TMEM132A: variants seen among roughly 807,000 people sequenced by gnomAD.
TMEM132A encodes transmembrane protein 132A.
A neutral mutation model predicts 69.9 loss-of-function variants in TMEM132A; 48 were observed. The ratio of observed to expected loss-of-function variants is 0.69; its 90% CI spans 0.55 to 0.87. The LOEUF (loss-of-function observed/expected upper bound fraction) is 0.87, where lower values mean the gene tolerates loss of function less well. Ranked by LOEUF, TMEM132A falls within the 40% of genes least tolerant of loss-of-function variation. The pLI is 0.00. For missense variants in TMEM132A, 1,287 were observed against 1,407.2 expected (o/e 0.91, Z 1.37); for synonymous variants, 577 against 613.7 (o/e 0.94, Z 0.88).
intron 5 of TMEM132A, 69 bp from the exon 6 acceptor site, chr11:60,931,620 G>A: frequency 6.9e-7 from 1 of 1,458,006 alleles, no homozygotes; most frequent in Non-Finnish European, 9.4e-7. Flanking sequence ...AATCATGAAT[G>A]CAGGAAGTGC....
chr11:60,936,344 G>A lies in TMEM132A; in HGVS notation c.2509G>A (p.Val837Ile). 1.2e-6 allele frequency: 2 copies of A among 1,614,182 alleles called. No individual in the cohort carries two copies. Among genetic ancestry groups the A allele is most frequent in the Non-Finnish European group, 1.7e-6 (2 of 1,180,010 alleles). ...EEEEEEEEEMVPAPQHVTELE... is the reference protein window; with the variant it reads ...EEEEEEEEEMIPAPQHVTELE... ...GGAGGAGGAAGAGGAGGAGGAGATG[G>A]TCCCTGCCCCTCAGCATGTCACTGA... Residue 837 changes from valine to isoleucine, a missense_variant, in exon 11 of 11, where the codon GTC becomes ATC. Coordinates refer to ENST00000453848, the MANE Select transcript of TMEM132A (RefSeq NM_178031.3).
chr11:60,933,159 T>A (rs1856516354), intron 7 of TMEM132A: 2 of 180,518 alleles, frequency 1.1e-5, no homozygotes, highest in Non-Finnish European at 2.2e-5. Context: ...AGGGCTGCTC[T>A]CTTCTGGCCC....
Position 60,934,482 on chromosome 11 carries a change from C to T in TMEM132A, c.1560-6C>T, listed in dbSNP as rs544803976. ...GACGGCCAGTCCCGGCCTCCCCGCCCTGCAGGCCTGCGGAACCCGCTGCAG... is the reference window on the plus strand; with the variant it reads ...GACGGCCAGTCCCGGCCTCCCCGCCTTGCAGGCCTGCGGAACCCGCTGCAG... On this transcript the variant is annotated splice_region_variant and splice_polypyrimidine_tract_variant and intron_variant, in intron 8 of 10. Coordinates refer to ENST00000453848, the MANE Select transcript of TMEM132A (RefSeq NM_178031.3). 5.9e-4 allele frequency: 818 copies of T among 1,379,432 alleles called. 3 individuals are homozygous for T. In the African/African-American group the frequency reaches 0.012, roughly 19 times the overall value. 85.4% of individuals were successfully genotyped at this position (1,379,432 alleles called of 1,614,324 possible). A position where few individuals can be genotyped will look rare whatever the true frequency, so the allele number is the denominator to read the frequency against.
At chr11:60,926,496 A>G (rs1192828822) in intron 1 of TMEM132A, 1 of 152,458 alleles carries the variant, frequency 6.6e-6, no homozygotes, top group Admixed American at 6.5e-5. Context: ...TATTATTATT[A>G]GTGCTCATAG....
intron 1 of TMEM132A, chr11:60,926,545 T>G (rs2134891474): frequency 6.5e-6 from 1 of 154,902 alleles, no homozygotes; most frequent in South Asian, 2.0e-4. Flanking sequence ...CCTTTGTCCT[T>G]CTGATGATTG....
rs1360584471 is a variant in TMEM132A, at chr11:60,935,564, G to A, written c.2028+121G>A. ...CCTTAGGGTTTTCAGAGTGAGGACT[G>A]ACTCTGTGAGGTAGTGAGCTCTCTG... On this transcript the variant is annotated intron_variant, in intron 10 of 10. Transcript: ENST00000453848. The surrounding 1 kb of genome is among the most constrained non-coding windows in gnomAD (Gnocchi z 5.0). The A allele has an allele frequency of 1.9e-6, 2 of 1,059,438 alleles. No homozygotes were observed. Among genetic ancestry groups the A allele is most frequent in the South Asian group, 1.6e-5 (1 of 63,016 alleles). The allele number at this position is 1,059,438 out of a possible 1,614,324, so 65.6% of individuals were successfully genotyped here. A position where few individuals can be genotyped will look rare whatever the true frequency, so the allele number is the denominator to read the frequency against.
rs1308182711 is a variant in TMEM132A, at chr11:60,936,176, G to A, written c.2341G>A (p.Ala781Thr). 3 of 1,613,988 alleles carry A rather than the reference G, an allele frequency of 1.9e-6. No individual in the cohort carries two copies. Among genetic ancestry groups the A allele is most frequent in the Non-Finnish European group, 2.5e-6 (3 of 1,179,908 alleles). Residue 781 changes from alanine (A) to threonine (T), a missense_variant, in exon 11 of 11, where the codon GCT becomes ACT. Transcript: ENST00000453848. ...AGCCCCTGCTCTCCCATCCAGCCCT[G>A]CTTGGAGCCCACCAGCCACAGAAGC... is the stretch of plus-strand genomic sequence containing the variant. ...TPAPALPSSPAWSPPATEATM... is the reference protein window; with the variant it reads ...TPAPALPSSPTWSPPATEATM...
In TMEM132A at chr11:60,935,377, C is replaced by T; in HGVS notation, c.1962C>T (p.Gly654=). The change falls in exon 10 of 11, where the codon GGC becomes GGT. Residue 654 remains glycine, a synonymous_variant. Transcript: ENST00000453848. This position sits in a 1 kb window ranked among gnomAD's most constrained non-coding sequence, Gnocchi z 5.0. ...GCATCTCGCTGACCTTGAGCCGGGG[C>T]ACTGCCCACCCCGGGGAGGTCACAG... The part of the protein sequence containing the change: ...VMGISLTLSR[G]TAHPGEVTAT... 3 of 1,612,594 alleles carry T rather than the reference C, an allele frequency of 1.9e-6. No homozygotes were observed. Among genetic ancestry groups the T allele is most frequent in the Non-Finnish European group, 2.5e-6 (3 of 1,179,576 alleles).
At chr11:60,927,507 G>A (rs1021759206) in intron 2 of TMEM132A, 89 bp downstream of exon 2, 133 of 1,441,340 alleles carry the variant, frequency 9.2e-5, no homozygotes, top group Non-Finnish European at 1.2e-4. Flanking sequence ...CCCCAGCCCC[G>A]GCTGTGCTCC....
chr11:60,935,575 G>T lies in TMEM132A; in HGVS notation c.2028+132G>T. 1 of 998,694 alleles carries T rather than the reference G, an allele frequency of 1.0e-6. No homozygotes were observed. Among genetic ancestry groups the T allele is most frequent in the Admixed American group, 2.6e-5 (1 of 38,758 alleles). 61.9% of individuals were successfully genotyped at this position (998,694 alleles called of 1,614,324 possible). On this transcript the variant is annotated intron_variant, in intron 10 of 10. Coordinates refer to ENST00000453848, the MANE Select transcript of TMEM132A (RefSeq NM_178031.3). This position sits in a 1 kb window ranked among gnomAD's most constrained non-coding sequence, Gnocchi z 5.0. ...TCAGAGTGAGGACTGACTCTGTGAG[G>T]TAGTGAGCTCTCTGCAGCTGGAGGT... is the stretch of plus-strand genomic sequence containing the variant.
chr11:60,935,336 G>T lies in TMEM132A; in HGVS notation c.1921G>T (p.Val641Leu), dbSNP rs370877938. Residue 641 changes from valine to leucine, a missense_variant, in exon 10 of 11, where the codon GTG (valine) becomes TTG (leucine). By Grantham distance (32) the Val-to-Leu change is conservative (BLOSUM62 1). Coordinates refer to ENST00000453848, the MANE Select transcript of TMEM132A (RefSeq NM_178031.3). This position sits in a 1 kb window ranked among gnomAD's most constrained non-coding sequence, Gnocchi z 5.0. The stretch of plus-strand genomic sequence containing the variant: ...CAAGGTCTCAGTGCTGGAGCTGAGG[G>T]TGCAGCCAGTGATGGGCATCTCGCT... The part of the protein sequence containing the change: ...DDKVSVLELR[V>L]QPVMGISLTL... The T allele has an allele frequency of 3.5e-5, 56 of 1,613,042 alleles. No homozygotes were observed. The highest frequency in any genetic ancestry group is 4.7e-5 in the Non-Finnish European group (56 of 1,179,720).
chr11:60,928,669 C>G lies in TMEM132A; in HGVS notation c.575C>G (p.Ser192Trp), dbSNP rs767752211. The change falls in exon 4 of 11, where the codon TCG becomes TGG. Residue 192 changes from serine (S) to tryptophan (W), a missense_variant. Ser to Trp is a radical substitution (Grantham distance 177). Coordinates refer to ENST00000453848, the MANE Select transcript of TMEM132A (RefSeq NM_178031.3). The stretch of plus-strand genomic sequence containing the variant: ...TGCGTGGTGGAGCTGGAGCTTCCCT[C>G]GCACTGGTTCTCACAGGCCTCCACC... ...GACVVELELP[S>W]HWFSQASTTR... 1 of 1,610,650 alleles carries G rather than the reference C, an allele frequency of 6.2e-7. No individual in the cohort carries two copies.
Position 60,928,857 on chromosome 11 carries a change from G to T in TMEM132A, c.763G>T (p.Ala255Ser), listed in dbSNP as rs1856411431. 1 of 1,612,612 alleles carries T rather than the reference G, an allele frequency of 6.2e-7. No individual in the cohort carries two copies. Among genetic ancestry groups the T allele is most frequent in the South Asian group, 1.1e-5 (1 of 91,088 alleles). The part of the protein sequence containing the change: ...PQYQEVPLDE[A>S]VTLRVPDMPV... ...GTACCAGGAGGTACCTCTGGACGAG[G>T]CTGTGACTCTGCGGGTGCCTGACAT... The change falls in exon 4 of 11, where the codon GCT becomes TCT. Residue 255 changes from alanine (A) to serine (S), a missense_variant. Transcript: ENST00000453848.
In TMEM132A at chr11:60,933,689, A is replaced by G. The variant is rs1451014381; in HGVS notation, c.1504A>G (p.Thr502Ala). The change falls in exon 8 of 11, where the codon ACC (threonine) becomes GCC (alanine). Residue 502 changes from threonine (T) to alanine (A), a missense_variant. Transcript: ENST00000453848. ...CCTGCTACCGCTGCGTATCGAGCTC[A>G]CCGACACCACCCTCGAGCAGGTCCG... ...APLLPLRIEL[T>A]DTTLEQVRGW... 1.2e-6 allele frequency: 2 copies of G among 1,603,258 alleles called. No homozygotes were observed. The highest frequency in any genetic ancestry group is 2.7e-5 in the African/African-American group (2 of 74,740).
chr11:60,936,741 C>G lies in TMEM132A; in HGVS notation c.2906C>G (p.Ala969Gly). ...RRKRVEFVTF[A>G]PAPPAQSPEE... ...AAGCGAGTAGAGTTTGTGACATTTG[C>G]GCCAGCCCCTCCAGCCCAGTCACCT... The change falls in exon 11 of 11, where the codon GCG (alanine) becomes GGG (glycine). Residue 969 changes from alanine to glycine, a missense_variant. Transcript: ENST00000453848. 1 of 1,600,208 alleles carries G rather than the reference C, an allele frequency of 6.2e-7. No homozygotes were observed. The highest frequency in any genetic ancestry group is 1.8e-5 in the Admixed American group (1 of 56,918).
In TMEM132A at chr11:60,937,023, G is replaced by A; in HGVS notation, c.*116G>A. The A allele has an allele frequency of 3.1e-6, 4 of 1,277,234 alleles. No homozygotes were observed. The highest frequency in any genetic ancestry group is 4.2e-6 in the Non-Finnish European group (4 of 952,040). The allele number at this position is 1,277,234 out of a possible 1,614,324, so 79.1% of individuals were successfully genotyped here. A position where few individuals can be genotyped will look rare whatever the true frequency, so the allele number is the denominator to read the frequency against. ...GCTTGTTGATCCAAGTCCCCTGCCT[G>A]GTCCCCCACAAGGACTCCCATCCAG... On this transcript the variant is annotated 3_prime_UTR_variant, in exon 11 of 11. Coordinates refer to ENST00000453848, the MANE Select transcript of TMEM132A (RefSeq NM_178031.3).
chr11:60,930,406 G>A (rs1383046011), intron 4 of TMEM132A, 104 bp from the exon 5 acceptor site: 33 of 1,355,220 alleles, frequency 2.4e-5, no homozygotes, highest in Non-Finnish European at 3.2e-5. Context: ...ATTCAGACTG[G>A]AGCCAGGGAG....
At position 60,924,656 on chromosome 11, in the gene TMEM132A, G is replaced by T. The variant is rs758350170; in HGVS notation, c.23G>T (p.Arg8Leu). MCARMAG[R>L]TTAAPRGPYG... ...AGGATGTGCGCGCGGATGGCCGGTC[G>T]CACAACAGCGGCCCCTCGGGGGCCC... The change falls in exon 1 of 11, where the codon CGC becomes CTC. Residue 8 changes from arginine (R) to leucine (L), a missense_variant. Arg to Leu is a moderately radical substitution (Grantham distance 102). Transcript: ENST00000453848. The T allele has an allele frequency of 1.8e-5, 28 of 1,593,970 alleles. No homozygotes were observed. The highest frequency in any genetic ancestry group is 2.2e-5 in the Non-Finnish European group (26 of 1,176,286).
Position 60,936,645 on chromosome 11 carries a change from C to G in TMEM132A, c.2810C>G (p.Ala937Gly), listed in dbSNP as rs200803302. The G allele has an allele frequency of 6.4e-7, 1 of 1,556,238 alleles. No individual in the cohort carries two copies. The highest frequency in any genetic ancestry group is 2.3e-5 in the East Asian group (1 of 44,340). The change falls in exon 11 of 11, where the codon GCC (alanine) becomes GGC (glycine). Residue 937 changes from alanine to glycine, a missense_variant. Coordinates refer to ENST00000453848, the MANE Select transcript of TMEM132A (RefSeq NM_178031.3). ...GGAGGAGGGGAGGCCCCTACCCTGGCCCCTGGCCCTCCTGGGGGCACCACC... is the reference window on the plus strand; with the variant it reads ...GGAGGAGGGGAGGCCCCTACCCTGGGCCCTGGCCCTCCTGGGGGCACCACC... The part of the protein sequence containing the change: ...SGGGGEAPTL[A>G]PGPPGGTTSS...
Sources: gnomAD v4.1 joint callset for allele counts on GRCh38, gnomAD v4.1.1 for gene constraint, Gnocchi (gnomAD v3.1) non-coding constraint, MANE v1.5 for transcripts, NCBI Gene and HGNC (gene_info 2026-07-23, HGNC 2026-07-21) for gene names.